Variants in HPCAL4 observed in about 807,000 individuals in gnomAD.
The protein encoded by HPCAL4 is hippocalcin like 4.
A neutral mutation model predicts 18.2 loss-of-function variants in HPCAL4; 16 were observed. The ratio of observed to expected loss-of-function variants is 0.88; its 90% CI spans 0.59 to 1.33. HPCAL4 has a LOEUF of 1.33. Ranked by LOEUF, HPCAL4 falls within the 40% of genes most tolerant of loss-of-function variation. HPCAL4 has a pLI of 0.00. For missense variants in HPCAL4, 214 were observed against 256.6 expected (o/e 0.83, Z 1.14); for synonymous variants, 80 against 97.5 (o/e 0.82, Z 1.06).
chr1:39,689,917 CA>C (rs1367293630), intron 1 of HPCAL4, among the ~76,000 whole-genome samples: 1 of 152,174 alleles, frequency 6.6e-6, no homozygotes, highest in Non-Finnish European at 1.5e-5. Context: ...ATAGCAGCAG[CA>C]ACCAGGTCTT....
At position 39,684,035 on chromosome 1, in the gene HPCAL4, G is replaced by A. The variant is rs1557753600; in HGVS notation, c.280C>T (p.Arg94Cys). ...EFICALSVTS[R>C]GSFEQKLNWA... ...TTGAGCTTCTGCTCGAAGCTGCCGC[G>A]GGAGGTGACCGACAGGGCGCAGATG... The change falls in exon 3 of 4, where the codon CGC (arginine) becomes TGC (cysteine). Residue 94 changes from arginine (R) to cysteine (C), a missense_variant. Transcript: ENST00000372844. 6.2e-7 allele frequency: 1 copy of A among 1,614,032 alleles called. No individual in the cohort carries two copies. Among genetic ancestry groups the A allele is most frequent in the East Asian group, 2.2e-5 (1 of 44,878 alleles).
At chr1:39,686,416 T>C (rs904001831) in intron 1 of HPCAL4, among the ~76,000 whole-genome samples, 1 of 152,056 alleles carries the variant, frequency 6.6e-6, no homozygotes. Context: ...TGGGGGCAGG[T>C]AGGTAGAGCA....
At chr1:39,687,389 G>A (rs1367284312) in intron 1 of HPCAL4, among the ~76,000 whole-genome samples, 3 of 152,226 alleles carry the variant, frequency 2.0e-5, no homozygotes, top group Admixed American at 6.5e-5. Flanking sequence ...TCTGATGGGG[G>A]GAGGCACAGC....
At chr1:39,683,525 T>C (rs1646645007) in intron 3 of HPCAL4, among the ~76,000 whole-genome samples, 1 of 152,258 alleles carries the variant, frequency 6.6e-6, no homozygotes, top group Non-Finnish European at 1.5e-5. Flanking sequence ...TTAGTGTATC[T>C]TCCTCATAGC....
chr1:39,686,261 G>C (rs1646674287), intron 1 of HPCAL4, among the ~76,000 whole-genome samples: 1 of 152,140 alleles, frequency 6.6e-6, no homozygotes, highest in South Asian at 2.1e-4. Context: ...TAAGATGGGA[G>C]GATCACTTGA....
Position 39,682,432 on chromosome 1 carries a change from G to C in HPCAL4, c.*104C>G, listed in dbSNP as rs992330078. On this transcript the variant is annotated 3_prime_UTR_variant, in exon 4 of 4. Transcript: ENST00000372844. The stretch of plus-strand genomic sequence containing the variant: ...GGCAGAGGACTGGGTGGGCCAGAGA[G>C]GGGGGCTGGAGTGTCCCTCCTCCTG... 2 of 1,050,850 alleles carry C rather than the reference G, an allele frequency of 1.9e-6. No homozygotes were observed. Among genetic ancestry groups the C allele is most frequent in the East Asian group, 2.5e-5 (1 of 40,806 alleles). The allele number at this position is 1,050,850 out of a possible 1,614,324, so 65.1% of individuals were successfully genotyped here. A position where few individuals can be genotyped will look rare whatever the true frequency, so the allele number is the denominator to read the frequency against.
chr1:39,686,180 CAAA>C (rs35915782), intron 1 of HPCAL4, among the ~76,000 whole-genome samples: 10 of 86,458 alleles, frequency 1.2e-4, no homozygotes, highest in Middle Eastern at 7.2e-3. Context: ...GACTCCGTCT[CAAA>C]AAAAAAAAAA....
chr1:39,684,298 C>G (rs116713699), intron 2 of HPCAL4, 144 bp downstream of exon 2: 50 of 1,080,416 alleles, frequency 4.6e-5, no homozygotes, highest in South Asian at 2.3e-4. Flanking sequence ...TCACCTCCCC[C>G]GCACCCCGGG....
intron 1 of HPCAL4, among the ~76,000 whole-genome samples, chr1:39,688,633 T>C (rs924132398): frequency 2.0e-5 from 3 of 152,182 alleles, no homozygotes; most frequent in Admixed American, 6.5e-5. Flanking sequence ...GCCATGCCCA[T>C]GGGCCCCCTG....
In HPCAL4 at chr1:39,682,573, G is replaced by C. The variant is rs1404539780; in HGVS notation, c.539C>G (p.Ser180Cys). The change falls in exon 4 of 4, where the codon TCC (serine) becomes TGC (cysteine). Residue 180 changes from serine (S) to cysteine (C), a missense_variant. Physicochemically the swap from Ser to Cys is moderately radical, Grantham distance 112. Coordinates refer to ENST00000372844, the MANE Select transcript of HPCAL4 (RefSeq NM_016257.4). ...GTCACACTGCAGCAGCAACACAATG[G>C]ATGGGTCACTCTTGGCTGCCTCCTT... is the stretch of plus-strand genomic sequence containing the variant. ...EFKEAAKSDP[S>C]IVLLLQCDMQ... 6.2e-7 allele frequency: 1 copy of C among 1,614,240 alleles called. No individual in the cohort carries two copies. The highest frequency in any genetic ancestry group is 8.5e-7 in the Non-Finnish European group (1 of 1,180,040).
At chr1:39,683,501 TC>T (rs1646644853) in intron 3 of HPCAL4, among the ~76,000 whole-genome samples, 1 of 152,228 alleles carries the variant, frequency 6.6e-6, no homozygotes, top group Non-Finnish European at 1.5e-5. Context: ...TCACGCGCTC[TC>T]CCTGCACTTT....
rs1189325487 is a variant in HPCAL4, at chr1:39,680,047, C to T, written c.*2489G>A. On this transcript the variant is annotated 3_prime_UTR_variant, in exon 4 of 4. Transcript: ENST00000372844. The stretch of plus-strand genomic sequence containing the variant: ...TAGCACAGCTGCCAGAGGCAGAACA[C>T]TGAGTGCTTGAAAATGTGGGGACTT... 6.6e-6 allele frequency: 1 copy of T among 152,654 alleles called. No homozygotes were observed. Among genetic ancestry groups the T allele is most frequent in the African/African-American group, 2.4e-5 (1 of 41,442 alleles). 9.5% of individuals were successfully genotyped at this position (152,654 alleles called of 1,614,324 possible). A position where few individuals can be genotyped will look rare whatever the true frequency, so the allele number is the denominator to read the frequency against.
intron 2 of HPCAL4, 64 bp downstream of exon 2, chr1:39,684,378 C>A: frequency 6.6e-7 from 1 of 1,514,784 alleles, no homozygotes; most frequent in East Asian, 2.3e-5. Flanking sequence ...CTCCCTCACC[C>A]CCGGTTCCTC....
At chr1:39,685,938 T>C (rs1646670931) in intron 1 of HPCAL4, among the ~76,000 whole-genome samples, 1 of 150,702 alleles carries the variant, frequency 6.6e-6, no homozygotes, top group Non-Finnish European at 1.5e-5. Flanking sequence ...TCCCAGCACT[T>C]TGAGAGGCTG....
chr1:39,688,992 G>A (rs1646698295), intron 1 of HPCAL4, among the ~76,000 whole-genome samples: 1 of 152,144 alleles, frequency 6.6e-6, no homozygotes, highest in East Asian at 1.9e-4. Context: ...TAGAATTCCA[G>A]GATGCAGTCT....
intron 1 of HPCAL4, among the ~76,000 whole-genome samples, chr1:39,686,683 G>A (rs1363218845): frequency 2.6e-5 from 4 of 152,176 alleles, no homozygotes; most frequent in Admixed American, 2.0e-4. Context: ...CCCGTAAGTG[G>A]GCTGTGCCAG....
In HPCAL4 at chr1:39,690,533, G is replaced by T. The variant is rs913825031; in HGVS notation, c.-9+773C>A. Among the ~76,000 whole-genome samples the T allele has an allele frequency of 3.3e-5, 5 of 152,152 alleles. No individual in the cohort carries two copies. In the East Asian group the frequency reaches 9.6e-4, roughly 29 times the overall value. On this transcript the variant is annotated intron_variant, in intron 1 of 3. Coordinates refer to ENST00000372844, the MANE Select transcript of HPCAL4 (RefSeq NM_016257.4). ...GAGAGGATTTGGTGCCTGGCTGTGA[G>T]GGGGGAGGGAGGAGGTATGGAGGTT...
chr1:39,683,582 A>C (rs1646645486), intron 3 of HPCAL4, among the ~76,000 whole-genome samples: 1 of 152,226 alleles, frequency 6.6e-6, no homozygotes, highest in Non-Finnish European at 1.5e-5. Flanking sequence ...TTTTTTAAAA[A>C]AATTTCTCAC....
At chr1:39,686,180 CA>C (rs35915782) in intron 1 of HPCAL4, among the ~76,000 whole-genome samples, 28,405 of 86,302 alleles carry the variant, frequency 0.33, 3,307 homozygotes, top group East Asian at 0.6. Context: ...GACTCCGTCT[CA>C]AAAAAAAAAA....
Sources: allele counts gnomAD v4.1 joint callset (sites outside exome capture counted in the v4.1 genomes callset), GRCh38; gene constraint gnomAD v4.1.1; transcripts MANE v1.5; gene names NCBI Gene and HGNC (gene_info 2026-07-23, HGNC 2026-07-21).